The following SLC35G2 variants were observed in gnomAD, a reference collection of about 807,000 sequenced individuals.
The protein encoded by SLC35G2 is transmembrane protein 22.
Under a neutral mutation model 27.2 loss-of-function variants are expected in SLC35G2, and 20 were observed. That is an observed-to-expected ratio of 0.74 (90% CI 0.52 to 1.07). The LOEUF is 1.07. SLC35G2 is among the 50% of genes least tolerant of loss of function. The pLI is 0.00. For missense variants in SLC35G2, 416 were observed against 493.3 expected (o/e 0.84, Z 1.48); for synonymous variants, 148 against 165.3 (o/e 0.90, Z 0.80).
intron 1 of SLC35G2, among the ~76,000 whole-genome samples, chr3:136,834,649 A>C (rs1452869252): frequency 6.6e-6 from 1 of 152,188 alleles, no homozygotes; most frequent in African/African-American, 2.4e-5. Flanking sequence ...TCAGGACTTC[A>C]TCATCACCAC....
intron 1 of SLC35G2, among the ~76,000 whole-genome samples, chr3:136,844,389 T>C (rs1937258782): frequency 6.7e-6 from 1 of 148,182 alleles, no homozygotes; most frequent in Non-Finnish European, 1.5e-5. Flanking sequence ...CTCGGGAGGC[T>C]GAGGCAGGAG....
intron 1 of SLC35G2, among the ~76,000 whole-genome samples, chr3:136,832,626 T>C (rs1936758241): frequency 2.6e-5 from 4 of 152,234 alleles, no homozygotes; most frequent in African/African-American, 9.6e-5. Flanking sequence ...TTCCACATCA[T>C]AGGCACTCAT....
intron 1 of SLC35G2, among the ~76,000 whole-genome samples, chr3:136,828,161 CAT>C (rs1281126657): frequency 6.6e-6 from 1 of 152,200 alleles, no homozygotes; most frequent in Non-Finnish European, 1.5e-5. Flanking sequence ...TGTGACTTAA[CAT>C]GTGTTCTATC....
At chr3:136,832,263 C>T (rs1254834339) in intron 1 of SLC35G2, among the ~76,000 whole-genome samples, 1 of 152,208 alleles carries the variant, frequency 6.6e-6, no homozygotes, top group Non-Finnish European at 1.5e-5. Flanking sequence ...ATCCACCTGC[C>T]TTGGCCTCCC....
intron 1 of SLC35G2, among the ~76,000 whole-genome samples, chr3:136,848,372 A>C (rs1019843433): frequency 6.6e-5 from 10 of 152,184 alleles, no homozygotes; most frequent in African/African-American, 2.4e-4. Context: ...TAATCCCAGC[A>C]CTTTGGGAGG....
At chr3:136,826,537 T>C (rs1300593536) in intron 1 of SLC35G2, among the ~76,000 whole-genome samples, 1 of 152,226 alleles carries the variant, frequency 6.6e-6, no homozygotes, top group Non-Finnish European at 1.5e-5. Context: ...TCCTTTGGAT[T>C]TTCCAATTTA....
At chr3:136,841,732 AAAATAAATAAATAAATAAATAAATAAAT>A (rs10691819) in intron 1 of SLC35G2, 3 of 144,066 alleles carry the variant, frequency 2.1e-5, no homozygotes, top group Non-Finnish European at 4.5e-5. Context: ...ACTCCGCCTC[AAAATAAATAAATAAATAAATAAATAAAT>A]AAATAAATAA....
chr3:136,852,241 TG>T (rs1937681637), intron 1 of SLC35G2, among the ~76,000 whole-genome samples: 1 of 152,218 alleles, frequency 6.6e-6, no homozygotes, highest in African/African-American at 2.4e-5. Flanking sequence ...GGACTGCAAA[TG>T]GGACATCCAG....
rs746925998 is a variant in SLC35G2 at position 136,854,543 on chromosome 3, C to T, written c.83C>T (p.Ser28Phe). 1.2e-6 allele frequency: 2 copies of T among 1,610,472 alleles called. No homozygotes were observed. The highest frequency in any genetic ancestry group is 1.3e-5 in the African/African-American group (1 of 74,756). The change falls in exon 2 of 2, where the codon TCT (serine) becomes TTT (phenylalanine). Residue 28 changes from serine to phenylalanine, a missense_variant. Transcript: ENST00000446465. ...AACACAGTGATGGTGAAATATACTTCTCATTATCCCCAGCCTGGCGATGAT... is the reference window on the plus strand; with the variant it reads ...AACACAGTGATGGTGAAATATACTTTTCATTATCCCCAGCCTGGCGATGAT... ...HPNTVMVKYT[S>F]HYPQPGDDGY...
In SLC35G2 at chr3:136,855,471, T is replaced by A; in HGVS notation, c.1011T>A (p.Tyr337Ter). The change falls in exon 2 of 2, where the codon TAT (tyrosine) becomes TAA (stop). Residue 337 changes from tyrosine (Y) to a stop codon, truncating the protein, a stop_gained. Coordinates refer to ENST00000446465, the MANE Select transcript of SLC35G2 (RefSeq NM_025246.3). LOFTEE classifies it high-confidence loss of function. ...CSTAAFLGVYYALDKFHPALV... is the reference protein window; with the variant it reads ...CSTAAFLGVY ...CTGCAGCATTCTTAGGAGTTTATTA[T>A]GCCTTGGACAAATTCCATCCAGCTT... 6.2e-7 allele frequency: 1 copy of A among 1,614,198 alleles called. No individual in the cohort carries two copies. The highest frequency in any genetic ancestry group is 8.5e-7 in the Non-Finnish European group (1 of 1,180,018).
intron 1 of SLC35G2, among the ~76,000 whole-genome samples, chr3:136,845,573 A>G (rs1937334331): frequency 6.6e-6 from 1 of 151,284 alleles, no homozygotes; most frequent in Non-Finnish European, 1.5e-5. Flanking sequence ...TTACTTAAGG[A>G]ACAGCTGCAG....
At chr3:136,850,338 G>T (rs943971728) in intron 1 of SLC35G2, among the ~76,000 whole-genome samples, 2 of 152,210 alleles carry the variant, frequency 1.3e-5, no homozygotes, top group South Asian at 4.1e-4. Context: ...ATGGTTTATG[G>T]GTTGTTTTAG....
At chr3:136,852,822 G>A (rs1937735139) in intron 1 of SLC35G2, among the ~76,000 whole-genome samples, 1 of 151,892 alleles carries the variant, frequency 6.6e-6, no homozygotes, top group Non-Finnish European at 1.5e-5. Context: ...GGGAGGAGAG[G>A]ATCATTGGGA....
At position 136,855,575 on chromosome 3, in the gene SLC35G2, T is replaced by C. The variant is rs1937974914; in HGVS notation, c.1115T>C (p.Ile372Thr). 2 of 1,614,156 alleles carry C rather than the reference T, an allele frequency of 1.2e-6. No homozygotes were observed. Among genetic ancestry groups the C allele is most frequent in the Non-Finnish European group, 1.7e-6 (2 of 1,179,994 alleles). ...QLLVLHIFPS[I>T]YDVFGGVIIM... The stretch of plus-strand genomic sequence containing the variant: ...CTCGTGCTGCACATATTTCCTAGCA[T>C]CTATGATGTTTTTGGAGGGGTAATC... The change falls in exon 2 of 2, where the codon ATC becomes ACC. Residue 372 changes from isoleucine to threonine, a missense_variant. Coordinates refer to ENST00000446465, the MANE Select transcript of SLC35G2 (RefSeq NM_025246.3).
chr3:136,828,466 C>T (rs1936644488), intron 1 of SLC35G2, among the ~76,000 whole-genome samples: 1 of 152,108 alleles, frequency 6.6e-6, no homozygotes, highest in African/African-American at 2.4e-5. Flanking sequence ...GAAGAATTGA[C>T]CCTTTTATTA....
intron 1 of SLC35G2, among the ~76,000 whole-genome samples, chr3:136,845,982 T>G (rs1368479248): frequency 2.6e-5 from 4 of 152,266 alleles, no homozygotes; most frequent in African/African-American, 9.6e-5. Flanking sequence ...AGAGTGTTTT[T>G]GGATGAGATT....
chr3:136,829,951 T>C (rs1936681408), intron 1 of SLC35G2, among the ~76,000 whole-genome samples: 1 of 151,832 alleles, frequency 6.6e-6, no homozygotes, highest in African/African-American at 2.4e-5. Flanking sequence ...TACTTGAACG[T>C]TGATCTCTTT....
chr3:136,844,230 C>T (rs1048248365), intron 1 of SLC35G2, among the ~76,000 whole-genome samples: 6 of 151,594 alleles, frequency 4.0e-5, no homozygotes, highest in African/African-American at 1.2e-4. Context: ...TGGCTCACAC[C>T]GGTAATCCCA....
chr3:136,823,439 C>A (rs530682272), intron 1 of SLC35G2, among the ~76,000 whole-genome samples: 9 of 152,186 alleles, frequency 5.9e-5, no homozygotes, highest in Non-Finnish European at 1.2e-4. Flanking sequence ...TTCATTTTTG[C>A]TTTGGTTGCC....
Sources: allele counts gnomAD v4.1 joint callset (sites outside exome capture counted in the v4.1 genomes callset), GRCh38; gene constraint gnomAD v4.1.1; transcripts MANE v1.5; gene names NCBI Gene and HGNC (gene_info 2026-07-23, HGNC 2026-07-21).